The following MEAK7 variants were observed in gnomAD, a reference collection of about 807,000 sequenced individuals.
MEAK7 encodes the protein MTOR-associated protein MEAK7.
In MEAK7, 68 loss-of-function variants were observed where a neutral mutation model predicts 40.5. That is an observed-to-expected ratio of 1.68 (90% CI 1.38 to 2.06). The LOEUF (loss-of-function observed/expected upper bound fraction) is 2.06. Among genes scored for constraint, MEAK7 ranks in the 30% most tolerant of loss-of-function variants. The pLI, the probability that MEAK7 is intolerant of heterozygous loss-of-function variation, is 0.00. For synonymous variants in MEAK7, 338 were observed against 231.9 expected (o/e 1.46, Z -4.16); for missense variants, 918 against 580.5 (o/e 1.58, Z -5.98).
chr16:84,490,373 GCCAGGCCCAAACTAAAAGAC>G (rs1913465900), intron 3 of MEAK7, among the ~76,000 whole-genome samples: 1 of 145,462 alleles, frequency 6.9e-6, no homozygotes, highest in Admixed American at 6.9e-5. Context: ...ACCTTTACTA[GCCAGGCCCAAACTAAAAGAC>G]CCAGGGCAGC....
chr16:84,492,409 T>C (rs190294529), intron 3 of MEAK7, among the ~76,000 whole-genome samples: 32 of 152,110 alleles, frequency 2.1e-4, no homozygotes, highest in Non-Finnish European at 4.4e-5. Context: ...AGTGGCCTCA[T>C]ACTGTCTTTA....
At chr16:84,500,809 C>G (rs1914435134) in intron 1 of MEAK7, among the ~76,000 whole-genome samples, 1 of 152,104 alleles carries the variant, frequency 6.6e-6, no homozygotes, top group Non-Finnish European at 1.5e-5. Context: ...GCCCAAGCAG[C>G]CAAAACAAAG....
At chr16:84,491,034 A>G (rs188635956) in intron 3 of MEAK7, among the ~76,000 whole-genome samples, 87 of 152,344 alleles carry the variant, frequency 5.7e-4, no homozygotes, top group Non-Finnish European at 9.6e-4. Flanking sequence ...CTACACAGCT[A>G]CTCTTTAATG....
chr16:84,501,585 C>A (rs1197163951), intron 1 of MEAK7, among the ~76,000 whole-genome samples: 1 of 152,120 alleles, frequency 6.6e-6, no homozygotes, highest in Non-Finnish European at 1.5e-5. Flanking sequence ...CAGACCAGGG[C>A]AGGCCCAGGA....
At chr16:84,497,428 A>G (rs1225336661) in intron 2 of MEAK7, 3 of 1,288,506 alleles carry the variant, frequency 2.3e-6, no homozygotes, top group Admixed American at 4.6e-5. Flanking sequence ...CACATTCTAG[A>G]GGCAACGGTG....
rs761995221 is a variant in MEAK7, at chr16:84,489,269, C to G, written c.529+9G>C. On this transcript the variant is annotated intron_variant, in intron 4 of 7. Transcript: ENST00000343629. ...AAAGACCTGCATCACCGCGTCCACG[C>G]ACACTTGCCTTGCAGCTTCATGTCA... The G allele has an allele frequency of 6.2e-7, 1 of 1,613,688 alleles. No individual in the cohort carries two copies. The highest frequency in any genetic ancestry group is 1.1e-5 in the South Asian group (1 of 90,990).
chr16:84,480,605 T>C lies in MEAK7; in HGVS notation c.1181A>G (p.Gln394Arg). The change falls in exon 7 of 8, where the codon CAG (glutamine) becomes CGG (arginine). Residue 394 changes from glutamine (Q) to arginine (R), a missense_variant. Coordinates refer to ENST00000343629, the MANE Select transcript of MEAK7 (RefSeq NM_020947.4). ...CTGGAAGTTCTCCTGAGCCGACAGC[T>C]GCGGGCTGTTGTACGTGGTGCACGT... ...KPTCTTYNSP[Q>R]LSAQENFQFD... 1 of 1,614,058 alleles carries C rather than the reference T, an allele frequency of 6.2e-7. No homozygotes were observed. The highest frequency in any genetic ancestry group is 1.3e-5 in the African/African-American group (1 of 75,030).
intron 1 of MEAK7, chr16:84,502,821 G>A (rs972190238): frequency 4.6e-5 from 7 of 152,234 alleles, no homozygotes; most frequent in African/African-American, 1.7e-4. Context: ...AGTGAGCCAA[G>A]ATCACAACAG....
chr16:84,497,612 C>A (rs1463445923), intron 2 of MEAK7: 1 of 1,339,358 alleles, frequency 7.5e-7, no homozygotes, highest in South Asian at 1.2e-5. Context: ...CCCCAAATGT[C>A]GTGTGAATCA....
chr16:84,488,946 T>C (rs1185720045), intron 4 of MEAK7, among the ~76,000 whole-genome samples: 2 of 151,774 alleles, frequency 1.3e-5, no homozygotes, highest in East Asian at 1.9e-4. Flanking sequence ...GGAAAATAAA[T>C]AGAAACTAGA....
At chr16:84,503,999 G>C in intron 1 of MEAK7, 1 of 985,476 alleles carries the variant, frequency 1.0e-6, no homozygotes, top group Non-Finnish European at 1.2e-6. Flanking sequence ...ATCTGGACAG[G>C]CTTCGAAGTC....
chr16:84,485,669 TCTAC>T (rs1218810587), intron 5 of MEAK7, among the ~76,000 whole-genome samples: 1 of 150,282 alleles, frequency 6.7e-6, no homozygotes, highest in Non-Finnish European at 1.5e-5. Context: ...CATCCATCTA[TCTAC>T]CTATCTATCT....
chr16:84,483,443 C>A (rs1327812304), intron 5 of MEAK7, among the ~76,000 whole-genome samples: 1 of 152,198 alleles, frequency 6.6e-6, no homozygotes. Flanking sequence ...CTGCCCGCCT[C>A]GACACCAGCA....
intron 5 of MEAK7, 51 bp from the exon 6 acceptor site, chr16:84,482,761 C>G: frequency 6.2e-7 from 1 of 1,606,900 alleles, no homozygotes; most frequent in Non-Finnish European, 8.5e-7. Context: ...TGAGCCGGTC[C>G]CACAGGGCCG....
At chr16:84,503,384 C>T (rs394293) in intron 1 of MEAK7, among the ~76,000 whole-genome samples, 27,287 of 152,026 alleles carry the variant, frequency 0.18, 2,579 homozygotes, top group Non-Finnish European at 0.22. Context: ...TCCACCCTAG[C>T]GCCCTGATGT....
At chr16:84,494,997 G>T (rs1020712984) in intron 3 of MEAK7, among the ~76,000 whole-genome samples, 1 of 152,238 alleles carries the variant, frequency 6.6e-6, no homozygotes, top group Non-Finnish European at 1.5e-5. Flanking sequence ...TGGCCAGCGT[G>T]GTGGCTCATG....
In MEAK7 at chr16:84,479,802, C is replaced by T. The variant is rs181777719; in HGVS notation, c.*111G>A. 15 of 680,716 alleles carry T rather than the reference C, an allele frequency of 2.2e-5. No individual in the cohort carries two copies. Among genetic ancestry groups the T allele is most frequent in the Non-Finnish European group, 3.4e-5 (15 of 445,734 alleles). 42.2% of individuals were successfully genotyped at this position (680,716 alleles called of 1,614,324 possible). ...CATGTGGGACTACCAGGCTGTGACC[C>T]GTGCGGTACGCTATTACAGTTAAAC... is the stretch of plus-strand genomic sequence containing the variant. On this transcript the variant is annotated 3_prime_UTR_variant, in exon 8 of 8. Transcript: ENST00000343629.
At chr16:84,496,191 G>A (rs116503863) in intron 2 of MEAK7, among the ~76,000 whole-genome samples, 2,708 of 152,234 alleles carry the variant, frequency 0.018, 62 homozygotes, top group African/African-American at 0.046. Flanking sequence ...CAACATGGCC[G>A]CCTCCACATA....
intron 2 of MEAK7, chr16:84,497,519 G>T (rs1472603727): frequency 7.7e-7 from 1 of 1,290,424 alleles, no homozygotes; most frequent in African/African-American, 1.5e-5. Context: ...ATCTCTGGGA[G>T]GGCAGTCAGG....
Sources: allele counts gnomAD v4.1 joint callset (sites outside exome capture counted in the v4.1 genomes callset), GRCh38; gene constraint gnomAD v4.1.1; transcripts MANE v1.5; gene names NCBI Gene and HGNC (gene_info 2026-07-23, HGNC 2026-07-21).